The following MFHAS1 variants were observed in gnomAD, a reference collection of about 807,000 sequenced individuals.
The protein encoded by MFHAS1 is malignant fibrous histiocytoma-amplified sequence 1.
MFHAS1 carries 50 observed loss-of-function variants against 70.4 expected under a neutral mutation model. That is an observed-to-expected ratio of 0.71 (90% CI 0.57 to 0.90). MFHAS1 has a LOEUF of 0.90. MFHAS1 is among the 40% of genes least tolerant of loss of function. MFHAS1 has a pLI of 0.00. For synonymous variants in MFHAS1, 952 were observed against 620.0 expected (o/e 1.54, Z -7.96); for missense variants, 1,795 against 1,347.6 (o/e 1.33, Z -5.20).
At chr8:8,867,602 G>A (rs989016725) in intron 1 of MFHAS1, among the ~76,000 whole-genome samples, 12 of 150,472 alleles carry the variant, frequency 8.0e-5, no homozygotes, top group African/African-American at 2.9e-4. Flanking sequence ...CTGTCTCCTA[G>A]GCTGGAGTGC....
At chr8:8,883,724 A>T (rs1809625082) in intron 1 of MFHAS1, among the ~76,000 whole-genome samples, 1 of 149,952 alleles carries the variant, frequency 6.7e-6, no homozygotes, top group South Asian at 2.1e-4. Flanking sequence ...AAAAAAAAAA[A>T]AAAAAAAGAA....
intron 2 of MFHAS1, among the ~76,000 whole-genome samples, chr8:8,789,444 C>T (rs116003473): frequency 0.021 from 3,132 of 152,246 alleles, 114 homozygotes; most frequent in African/African-American, 0.071. Flanking sequence ...ACATTGGAAA[C>T]AGAGGTCTGG....
intron 1 of MFHAS1, among the ~76,000 whole-genome samples, chr8:8,831,371 T>C (rs1022385901): frequency 3.3e-5 from 5 of 152,050 alleles, no homozygotes; most frequent in African/African-American, 9.7e-5. Flanking sequence ...AATAATGCAT[T>C]TGATAAAAGT....
At chr8:8,819,537 G>A (rs1374850015) in intron 1 of MFHAS1, among the ~76,000 whole-genome samples, 2 of 149,522 alleles carry the variant, frequency 1.3e-5, no homozygotes, top group East Asian at 3.9e-4. Flanking sequence ...TCGGGAGGCG[G>A]AGCTTGCAGT....
chr8:8,872,081 T>C (rs1809095813), intron 1 of MFHAS1, among the ~76,000 whole-genome samples: 1 of 152,194 alleles, frequency 6.6e-6, no homozygotes, highest in African/African-American at 2.4e-5. Flanking sequence ...CATGCCCGGA[T>C]GGCAAGCATT....
chr8:8,892,053 C>G lies in MFHAS1; in HGVS notation c.1006G>C (p.Asp336His). 14 of 1,613,482 alleles carry G rather than the reference C, an allele frequency of 8.7e-6. No individual in the cohort carries two copies. Among genetic ancestry groups the G allele is most frequent in the Non-Finnish European group, 1.2e-5 (14 of 1,180,010 alleles). ...LDNNRIRYLP[D>H]SIVELTGLEE... ...AGGCCGGTCAGCTCCACGATGGAGT[C>G]CGGCAGGTAGCGGATGCGGTTATTA... is the stretch of plus-strand genomic sequence containing the variant. Residue 336 changes from aspartate to histidine, a missense_variant, in exon 1 of 3, where the codon GAC (aspartate) becomes CAC (histidine). Coordinates refer to ENST00000276282, the MANE Select transcript of MFHAS1 (RefSeq NM_004225.3). This position sits in a 1 kb window ranked among gnomAD's most constrained non-coding sequence, Gnocchi z 4.7.
chr8:8,816,343 T>C lies in MFHAS1; in HGVS notation c.2999-18852A>G, dbSNP rs551718793. Reference sequence around the variant, plus strand: ...AAACAAACAAAAACACAAAACCCTATGGTTAACCCAAAACCTAAACTATCA... The same window carrying C: ...AAACAAACAAAAACACAAAACCCTACGGTTAACCCAAAACCTAAACTATCA... On this transcript the variant is annotated intron_variant, in intron 1 of 2. Coordinates refer to ENST00000276282, the MANE Select transcript of MFHAS1 (RefSeq NM_004225.3). Among the ~76,000 whole-genome samples, 12 of 152,336 alleles carry C rather than the reference T, an allele frequency of 7.9e-5. 1 individual carries two copies. The highest frequency in any genetic ancestry group is 2.6e-4 in the African/African-American group (11 of 41,580).
intron 1 of MFHAS1, among the ~76,000 whole-genome samples, chr8:8,842,306 C>T (rs1224943401): frequency 6.6e-6 from 1 of 152,170 alleles, no homozygotes; most frequent in Non-Finnish European, 1.5e-5. Context: ...CTGCCTCAGC[C>T]TCCTGAGTAG....
chr8:8,822,929 A>G (rs1036546683), intron 1 of MFHAS1, among the ~76,000 whole-genome samples: 19 of 152,190 alleles, frequency 1.2e-4, no homozygotes, highest in African/African-American at 4.6e-4. Context: ...CCAGAAAATC[A>G]GGACAGGAGG....
At chr8:8,787,361 T>A (rs1333081949) in intron 2 of MFHAS1, among the ~76,000 whole-genome samples, 1 of 152,172 alleles carries the variant, frequency 6.6e-6, no homozygotes, top group East Asian at 1.9e-4. Flanking sequence ...ATTACAGGTG[T>A]GAGCCACTGC....
At chr8:8,836,330 G>A (rs1024071472) in intron 1 of MFHAS1, among the ~76,000 whole-genome samples, 7 of 152,106 alleles carry the variant, frequency 4.6e-5, no homozygotes, top group Non-Finnish European at 8.8e-5. Flanking sequence ...AATTATCAAT[G>A]GCTCTTGGCT....
intron 1 of MFHAS1, among the ~76,000 whole-genome samples, chr8:8,835,449 G>A (rs1262479549): frequency 6.6e-6 from 1 of 152,076 alleles, no homozygotes; most frequent in Admixed American, 6.6e-5. Context: ...CCATCTCAGT[G>A]ACTACAAGGT....
At chr8:8,806,271 C>T (rs1443038827) in intron 1 of MFHAS1, among the ~76,000 whole-genome samples, 1 of 152,196 alleles carries the variant, frequency 6.6e-6, no homozygotes, top group Non-Finnish European at 1.5e-5. Flanking sequence ...TCCATTACAA[C>T]ACTGGGATGA....
chr8:8,832,061 C>CACACA (rs1807414857), intron 1 of MFHAS1, among the ~76,000 whole-genome samples: 1 of 130,506 alleles, frequency 7.7e-6, no homozygotes, highest in Non-Finnish European at 1.8e-5. Flanking sequence ...CGCGCGCGCG[C>CACACA]GCACACACAC....
intron 1 of MFHAS1, among the ~76,000 whole-genome samples, chr8:8,851,646 C>G (rs533814534): frequency 6.6e-6 from 1 of 152,264 alleles, no homozygotes; most frequent in South Asian, 2.1e-4. Flanking sequence ...AAACTGGAAA[C>G]AAAACTCTAT....
chr8:8,850,529 T>G (rs762464158), intron 1 of MFHAS1, among the ~76,000 whole-genome samples: 1 of 152,126 alleles, frequency 6.6e-6, no homozygotes, highest in Admixed American at 6.6e-5. Flanking sequence ...GCCACAGAGT[T>G]TATTAGTAAA....
intron 1 of MFHAS1, among the ~76,000 whole-genome samples, chr8:8,868,837 C>T (rs1193235134): frequency 6.6e-6 from 1 of 152,108 alleles, no homozygotes; most frequent in Non-Finnish European, 1.5e-5. Flanking sequence ...TGATATCTCA[C>T]TCAGATTCTA....
chr8:8,822,025 T>C (rs1311047729), intron 1 of MFHAS1: 2 of 152,252 alleles, frequency 1.3e-5, no homozygotes, highest in Admixed American at 6.5e-5. Flanking sequence ...CGTAAGACTG[T>C]GGTGAAGCCT....
At chr8:8,879,056 G>T (rs544325616) in intron 1 of MFHAS1, among the ~76,000 whole-genome samples, 1 of 152,212 alleles carries the variant, frequency 6.6e-6, no homozygotes, top group East Asian at 1.9e-4. Flanking sequence ...GACAAAAAAG[G>T]TAAGGACTAC....
Sources: gnomAD v4.1 joint callset for allele counts (sites outside exome capture counted in the v4.1 genomes callset) on GRCh38, gnomAD v4.1.1 for gene constraint, Gnocchi (gnomAD v3.1) non-coding constraint, MANE v1.5 for transcripts, NCBI Gene and HGNC (gene_info 2026-07-23, HGNC 2026-07-21) for gene names.